RSPH14: variants seen among roughly 807,000 people sequenced by gnomAD.
The protein encoded by RSPH14 is radial spoke head 14 homolog.
Under a neutral mutation model 26.7 loss-of-function variants are expected in RSPH14, and 20 were observed. That is an observed-to-expected ratio of 0.75 (90% confidence interval 0.53 to 1.09). RSPH14 has a LOEUF of 1.09. RSPH14 is among the 50% of genes least tolerant of loss of function. RSPH14 has a pLI of 0.00. For missense variants in RSPH14, 449 were observed against 457.2 expected (o/e 0.98, Z 0.16); for synonymous variants, 177 against 189.3 (o/e 0.93, Z 0.53).
Position 23,140,387 on chromosome 22 carries a change from TG to T in RSPH14, c.33del (p.Ile12LeufsTer20), listed in dbSNP as rs1569198062. 10 of 1,614,206 alleles carry T rather than the reference TG, an allele frequency of 6.2e-6. No homozygotes were observed. Among genetic ancestry groups the T allele is most frequent in the Non-Finnish European group, 8.5e-6 (10 of 1,180,034 alleles). ...GTAATCTGGGTGGCATTGATGTTAA[TG>T]GGAAGCTCCAAGGAGTTCTGGGAAT... MAHSQNSLEL[P>X]ININATQITT... On this transcript the variant is annotated frameshift_variant, in exon 2 of 7. Coordinates refer to ENST00000216036, the MANE Select transcript of RSPH14 (RefSeq NM_014433.3). LOFTEE classifies it high-confidence loss of function.
chr22:23,161,794 C>CCA, the RSPH14 span: 1 of 545,182 alleles, frequency 1.8e-6, no homozygotes, highest in Non-Finnish European at 3.3e-6. Context: ...GAGCCCCACA[C>CCA]CACCGGGCCA....
intron 4 of RSPH14, among the ~76,000 whole-genome samples, chr22:23,130,496 A>AAGAAAGAAAAAGAAAGAAAGAAAG (rs67156030): frequency 2.7e-5 from 3 of 110,760 alleles, no homozygotes; most frequent in African/African-American, 1.1e-4. Flanking sequence ...GAAGGAAAGA[A>AAGAAAGAAAAAGAAAGAAAGAAAG]AAAGAAAGAA....
chr22:23,077,959 C>T (rs527403708), intron 4 of RSPH14, among the ~76,000 whole-genome samples: 3 of 152,320 alleles, frequency 2.0e-5, no homozygotes, highest in African/African-American at 7.2e-5. Flanking sequence ...AGGGCTTGGC[C>T]CTCATGCCTC....
intron 4 of RSPH14, among the ~76,000 whole-genome samples, chr22:23,086,897 C>T (rs7292246): frequency 2.0e-5 from 3 of 152,186 alleles, no homozygotes; most frequent in Admixed American, 6.5e-5. Context: ...GAGGCCCCTA[C>T]AGGTCCAGGC....
chr22:23,153,416 G>A, the RSPH14 span: 1 of 279,166 alleles, frequency 3.6e-6, no homozygotes, highest in Non-Finnish European at 5.4e-6. Flanking sequence ...CTCCTCTTGA[G>A]GCCCTGGCTC....
chr22:23,079,132 T>C (rs1297687049), intron 4 of RSPH14, among the ~76,000 whole-genome samples: 1 of 152,242 alleles, frequency 6.6e-6, no homozygotes, highest in African/African-American at 2.4e-5. Flanking sequence ...CCCTGCCCTA[T>C]GGCACAGTGG....
At chr22:23,078,119 C>T (rs879467395) in intron 4 of RSPH14, among the ~76,000 whole-genome samples, 6 of 152,212 alleles carry the variant, frequency 3.9e-5, no homozygotes, top group Non-Finnish European at 8.8e-5. Context: ...GTGCGGGTGG[C>T]CTGTCTCCGA....
In RSPH14 at chr22:23,133,988, G is replaced by C. The variant is rs1280214078; in HGVS notation, c.421+38C>G. On this transcript the variant is annotated intron_variant, in intron 4 of 6. Transcript: ENST00000216036. ...TGGAGAGGAGACCGACGGACAACTT[G>C]AGTGCCCGACAGATCTGTGTGCAGG... The C allele has an allele frequency of 3.4e-6, 5 of 1,482,464 alleles. No individual in the cohort carries two copies. The South Asian group carries it at 5.7e-5, about 17-fold the overall frequency. The allele number at this position is 1,482,464 out of a possible 1,614,324, so 91.8% of individuals were successfully genotyped here.
chr22:23,099,512 C>T (rs1317756023), intron 4 of RSPH14, among the ~76,000 whole-genome samples: 1 of 152,224 alleles, frequency 6.6e-6, no homozygotes, highest in Non-Finnish European at 1.5e-5. Context: ...CGCACCTGTC[C>T]CCTGAATGAT....
chr22:23,108,925 C>T (rs150396961), intron 4 of RSPH14, among the ~76,000 whole-genome samples: 11 of 152,276 alleles, frequency 7.2e-5, no homozygotes, highest in Non-Finnish European at 1.5e-4. Context: ...GCTGTGCATG[C>T]TACAGGAGCT....
intron 6 of RSPH14, among the ~76,000 whole-genome samples, chr22:23,059,958 C>T (rs1403858359): frequency 2.6e-5 from 4 of 152,212 alleles, no homozygotes; most frequent in Admixed American, 6.5e-5. Context: ...CATCCACCCT[C>T]GTATCCTGCC....
intron 4 of RSPH14, among the ~76,000 whole-genome samples, chr22:23,081,256 C>T (rs368621174): frequency 1.2e-3 from 180 of 152,246 alleles, no homozygotes; most frequent in African/African-American, 4.2e-3. Context: ...CGAGATGTCA[C>T]GCAAGGTGTG....
chr22:23,083,563 G>C (rs2068735465), intron 4 of RSPH14, among the ~76,000 whole-genome samples: 1 of 152,182 alleles, frequency 6.6e-6, no homozygotes, highest in Non-Finnish European at 1.5e-5. Context: ...AGCAGAGCTG[G>C]TGCTTGGGGG....
chr22:23,097,966 G>A (rs975648430), intron 4 of RSPH14, among the ~76,000 whole-genome samples: 5 of 152,250 alleles, frequency 3.3e-5, no homozygotes, highest in Non-Finnish European at 7.3e-5. Flanking sequence ...CAGGTGTGCT[G>A]GACACAGGAG....
intron 4 of RSPH14, 145 bp from the exon 5 acceptor site, chr22:23,064,278 C>T (rs1386389806): frequency 2.1e-5 from 15 of 714,298 alleles, no homozygotes; most frequent in Non-Finnish European, 3.3e-5. Context: ...CCCACACACA[C>T]GTCCCGCCTG....
intron 4 of RSPH14, among the ~76,000 whole-genome samples, chr22:23,083,736 A>G (rs5751578): frequency 0.34 from 52,091 of 151,744 alleles, 9,693 homozygotes; most frequent in African/African-American, 0.5. Flanking sequence ...AAAAAGGACC[A>G]GTTTGTGGGG....
the RSPH14 span, among the ~76,000 whole-genome samples, chr22:23,173,574 G>A: frequency 6.6e-6 from 1 of 151,238 alleles, no homozygotes; most frequent in African/African-American, 2.4e-5. Context: ...CAGAGTAGCT[G>A]GGACTACAGA....
upstream of RSPH14, chr22:23,146,705 G>T (rs775850024): frequency 6.2e-7 from 1 of 1,612,636 alleles, no homozygotes; most frequent in South Asian, 1.1e-5. Flanking sequence ...CATTACGTCT[G>T]CAGTGCTCTC....
At chr22:23,111,168 A>G (rs183591712) in intron 4 of RSPH14, among the ~76,000 whole-genome samples, 33 of 152,250 alleles carry the variant, frequency 2.2e-4, no homozygotes, top group Middle Eastern at 3.4e-3. Context: ...GAGTGGCCTC[A>G]CTGTCTGCCT....
Sources: gnomAD v4.1 joint callset for allele counts (sites outside exome capture counted in the v4.1 genomes callset) on GRCh38, gnomAD v4.1.1 for gene constraint, MANE v1.5 for transcripts, NCBI Gene and HGNC (gene_info 2026-07-23, HGNC 2026-07-21) for gene names.